The following RUNDC1 variants were observed in gnomAD, a reference collection of about 807,000 sequenced individuals.
RUNDC1 encodes RUN domain-containing protein 1.
A neutral mutation model predicts 49.3 loss-of-function variants in RUNDC1; 31 were observed. That is an observed-to-expected ratio of 0.63 (90% CI 0.47 to 0.85). The LOEUF is 0.85. RUNDC1 is among the 40% of genes least tolerant of loss of function. The pLI is 0.00. For synonymous variants in RUNDC1, 347 were observed against 348.6 expected, an observed-to-expected ratio of 1.00 and a Z score of 0.05; for missense variants, 715 against 806.7, an observed-to-expected ratio of 0.89 and a Z score of 1.38.
chr17:42,983,933 C>T (rs938743859), intron 1 of RUNDC1, among the ~76,000 whole-genome samples: 2 of 151,736 alleles, frequency 1.3e-5, no homozygotes, highest in Admixed American at 6.6e-5. Flanking sequence ...ATCTGTCCGA[C>T]TCGGCCTCCC....
At position 42,981,014 on chromosome 17, in the gene RUNDC1, C is replaced by T. The variant is rs2050073932; in HGVS notation, c.438C>T (p.Pro146=). The change falls in exon 1 of 5, where the codon CCC becomes CCT. Residue 146 remains proline, a synonymous_variant. Coordinates refer to ENST00000361677, the MANE Select transcript of RUNDC1 (RefSeq NM_173079.5). ...HVLGYEGPGD[P]ASDEGDGLPG... ...TAGGTTACGAAGGGCCCGGCGACCC[C>T]GCCAGCGATGAGGGCGATGGGCTGC... The T allele has an allele frequency of 1.9e-6, 3 of 1,549,834 alleles. No individual in the cohort carries two copies. In the South Asian group the frequency reaches 3.5e-5, roughly 18 times the overall value.
chr17:42,980,952 C>A lies in RUNDC1; in HGVS notation c.376C>A (p.Leu126Ile). 6.5e-7 allele frequency: 1 copy of A among 1,541,488 alleles called. No individual in the cohort carries two copies. Residue 126 changes from leucine (L) to isoleucine (I), a missense_variant, in exon 1 of 5, where the codon CTC becomes ATC. By Grantham distance (5) the Leu-to-Ile change is conservative (BLOSUM62 2). Transcript: ENST00000361677. Reference protein sequence around the residue: ...PAEQQRLLRELEDFAFRGCPH... With the variant: ...PAEQQRLLREIEDFAFRGCPH... ...GGAGCAGCAGCGCCTTCTGCGGGAG[C>A]TCGAAGACTTCGCCTTCCGCGGCTG... is the stretch of plus-strand genomic sequence containing the variant.
chr17:42,989,625 C>A, intron 3 of RUNDC1, 86 bp downstream of exon 3: 1 of 1,341,164 alleles, frequency 7.5e-7, no homozygotes, highest in Non-Finnish European at 1.1e-6. Context: ...GGTTCTAATT[C>A]TGGTTTTTTG....
In RUNDC1 at chr17:42,987,220, GCCTGCATAATAGACC is replaced by G. The variant is rs1386533643; in HGVS notation, c.499-34_499-20del. The G allele has an allele frequency of 8.8e-6, 14 of 1,593,860 alleles. No homozygotes were observed. The Admixed American group carries it at 2.4e-4, about 27-fold the overall frequency. ...CTTAATGTGCCCTGAGTTTCCCTTT[GCCTGCATAATAGACC>G]CAATTATTTTCTTGCCTTAGAGTGA... On this transcript the variant is annotated intron_variant, in intron 1 of 4. Coordinates refer to ENST00000361677, the MANE Select transcript of RUNDC1 (RefSeq NM_173079.5).
At chr17:42,984,889 C>CTTTTTTTTTTTTTTTTTT (rs56228523) in intron 1 of RUNDC1, among the ~76,000 whole-genome samples, 2 of 65,344 alleles carry the variant, frequency 3.1e-5, no homozygotes, top group African/African-American at 1.2e-4. Context: ...TTCTTTCTTT[C>CTTTTTTTTTTTTTTTTTT]TTTTTTTTTT....
chr17:42,990,789 G>C (rs2050227917), intron 4 of RUNDC1, 62 bp from the exon 5 acceptor site: 3 of 1,515,750 alleles, frequency 2.0e-6, no homozygotes, highest in Non-Finnish European at 2.6e-6. Context: ...CCTGTGATTT[G>C]TTGAGTGTAG....
intron 2 of RUNDC1, among the ~76,000 whole-genome samples, 174 bp downstream of exon 2, chr17:42,987,588 A>G (rs1464889384): frequency 6.6e-6 from 1 of 152,210 alleles, no homozygotes; most frequent in Non-Finnish European, 1.5e-5. Context: ...TTGCTCACAC[A>G]TGGAAAACAC....
rs2050279431 is a variant in RUNDC1, at chr17:42,994,115, C to T, written c.*2399C>T. Among the ~76,000 whole-genome samples the T allele has an allele frequency of 6.6e-6, 1 of 152,240 alleles. No homozygotes were observed. Among genetic ancestry groups the T allele is most frequent in the Non-Finnish European group, 1.5e-5 (1 of 68,048 alleles). ...TCAGGTGATCCACCCACTTCAGCCT[C>T]CCAAAGTGCTGGGATTATAGGCGTG... On this transcript the variant is annotated 3_prime_UTR_variant, in exon 5 of 5. Coordinates refer to ENST00000361677, the MANE Select transcript of RUNDC1 (RefSeq NM_173079.5).
At chr17:42,982,853 G>A (rs993067895) in intron 1 of RUNDC1, among the ~76,000 whole-genome samples, 6 of 151,576 alleles carry the variant, frequency 4.0e-5, no homozygotes, top group Admixed American at 1.3e-4. Context: ...CAGACATGGT[G>A]GCACATTCCT....
intron 2 of RUNDC1, among the ~76,000 whole-genome samples, chr17:42,988,051 C>T (rs150582001): frequency 2.6e-4 from 39 of 152,192 alleles, no homozygotes; most frequent in African/African-American, 8.9e-4. Flanking sequence ...CGCACCTGGC[C>T]GTAATCTAGC....
chr17:42,989,659 G>GT (rs770226802), intron 3 of RUNDC1, 120 bp downstream of exon 3: 9 of 904,022 alleles, frequency 1.0e-5, no homozygotes, highest in Non-Finnish European at 1.4e-5. Flanking sequence ...GGTGGGGACA[G>GT]TGTCTCTCTC....
At position 42,994,022 on chromosome 17, in the gene RUNDC1, G is replaced by A. The variant is rs1329427121; in HGVS notation, c.*2306G>A. On this transcript the variant is annotated 3_prime_UTR_variant, in exon 5 of 5. Transcript: ENST00000361677. ...GTACCGGCGCCTGCCACCACGCCTGGCTAATGTTTGTATTTTTAATAGAGA... is the reference window on the plus strand; with the variant it reads ...GTACCGGCGCCTGCCACCACGCCTGACTAATGTTTGTATTTTTAATAGAGA... Among the ~76,000 whole-genome samples, 1 of 152,138 alleles carries A rather than the reference G, an allele frequency of 6.6e-6. No individual in the cohort carries two copies. The highest frequency in any genetic ancestry group is 2.4e-5 in the African/African-American group (1 of 41,424).
rs926412767 is a variant in RUNDC1, at chr17:42,993,821, T to G, written c.*2105T>G. On this transcript the variant is annotated 3_prime_UTR_variant, in exon 5 of 5. Transcript: ENST00000361677. ...TCCTCCTGCCCACGCCTGTAGTCCC[T>G]CCCCACAACAGATGTCATCACACAT... 3.3e-5 allele frequency: 5 copies of G among 152,080 alleles called. No homozygotes were observed. The highest frequency in any genetic ancestry group is 7.2e-5 in the African/African-American group (3 of 41,404). 9.4% of individuals were successfully genotyped at this position (152,080 alleles called of 1,614,324 possible). A position where few individuals can be genotyped will look rare whatever the true frequency, so the allele number is the denominator to read the frequency against.
chr17:42,990,289 G>A, intron 3 of RUNDC1, 28 bp from the exon 4 acceptor site: 1 of 1,611,696 alleles, frequency 6.2e-7, no homozygotes, highest in Non-Finnish European at 8.5e-7. Context: ...GGCTAAATAA[G>A]TGTCTCTTCT....
intron 1 of RUNDC1, 61 bp from the exon 2 acceptor site, chr17:42,987,195 C>A: frequency 7.3e-7 from 1 of 1,365,562 alleles, no homozygotes; most frequent in South Asian, 1.2e-5. Flanking sequence ...CGAGCAGATT[C>A]TTAATGTGCC....
chr17:42,980,739 G>A lies in RUNDC1; in HGVS notation c.163G>A (p.Ala55Thr). 6.5e-7 allele frequency: 1 copy of A among 1,527,640 alleles called. No individual in the cohort carries two copies. Among genetic ancestry groups the A allele is most frequent in the Non-Finnish European group, 8.8e-7 (1 of 1,141,246 alleles). 94.6% of individuals were successfully genotyped at this position (1,527,640 alleles called of 1,614,324 possible). Residue 55 changes from alanine to threonine, a missense_variant, in exon 1 of 5, where the codon GCG becomes ACG. By Grantham distance (58) the Ala-to-Thr change is moderately conservative. Transcript: ENST00000361677. ...GGCGGAGGCCCGGCCTGGGGCAACCGCGTTTTTAGAAGAGGCGACGGCCGA... is the reference window on the plus strand; with the variant it reads ...GGCGGAGGCCCGGCCTGGGGCAACCACGTTTTTAGAAGAGGCGACGGCCGA... ...AVAEARPGAT[A>T]FLEEATAEEP... is the part of the protein sequence containing the mutation.
chr17:42,990,785 AT>A (rs2050227844), intron 4 of RUNDC1, 65 bp from the exon 5 acceptor site: 1 of 1,511,188 alleles, frequency 6.6e-7, no homozygotes. Flanking sequence ...TCAGCCTGTG[AT>A]TTGTTGAGTG....
Position 42,984,875 on chromosome 17 carries a change from C to T in RUNDC1, c.499-2381C>T, listed in dbSNP as rs868616084. Among the ~76,000 whole-genome samples the T allele has an allele frequency of 4.2e-3, 582 of 138,796 alleles. 4 individuals carry two copies. Among genetic ancestry groups the T allele is most frequent in the Middle Eastern group, 0.011 (3 of 272 alleles). The allele number at this position is 138,796 out of a possible 152,430, so 91.1% of individuals were successfully genotyped here. A position where few individuals can be genotyped will look rare whatever the true frequency, so the allele number is the denominator to read the frequency against. On this transcript the variant is annotated intron_variant, in intron 1 of 4. Transcript: ENST00000361677. ...TGGAATTTGTCATTCTTTTCTTTTTCTTTTTCTTTCTTTCTTTTTTTTTTT... is the reference window on the plus strand; with the variant it reads ...TGGAATTTGTCATTCTTTTCTTTTTTTTTTTCTTTCTTTCTTTTTTTTTTT...
chr17:42,990,414 A>G lies in RUNDC1; in HGVS notation c.954A>G (p.Arg318=). The stretch of plus-strand genomic sequence containing the variant: ...GCTGCAGCAGAACAGGCAGCAGCAG[A>G]ACGCCTCCAGGAAACAGCAAAAGTA... ...GNGCSRTGSS[R]TPPGNSKTKA... is the part of the protein sequence containing the mutation. The change falls in exon 4 of 5, where the codon AGA becomes AGG. Residue 318 remains arginine, a synonymous_variant. Transcript: ENST00000361677. 6.2e-7 allele frequency: 1 copy of G among 1,614,014 alleles called. No homozygotes were observed. Among genetic ancestry groups the G allele is most frequent in the Non-Finnish European group, 8.5e-7 (1 of 1,180,022 alleles).
Sources: gnomAD v4.1 joint callset for allele counts (sites outside exome capture counted in the v4.1 genomes callset) on GRCh38, gnomAD v4.1.1 for gene constraint, MANE v1.5 for transcripts, NCBI Gene and HGNC (gene_info 2026-07-23, HGNC 2026-07-21) for gene names.